AP3B1: variants seen among roughly 807,000 people sequenced by gnomAD.
AP3B1 encodes the protein adaptor related protein complex 3 subunit beta 1.
A neutral mutation model predicts 132.5 loss-of-function variants in AP3B1; 61 were observed. The observed-to-expected ratio is 0.46, with a 90% CI of 0.37 to 0.57. The LOEUF (loss-of-function observed/expected upper bound fraction) is 0.57. AP3B1 is among the 20% of genes least tolerant of loss of function. AP3B1 has a pLI of 0.00. For synonymous variants in AP3B1, 388 were observed against 438.3 expected (o/e 0.89, Z 1.43); for missense variants, 1,120 against 1,289.4 (o/e 0.87, Z 2.01).
At chr5:78,035,237 T>A (rs1443975110) in intron 23 of AP3B1, among the ~76,000 whole-genome samples, 1 of 151,968 alleles carries the variant, frequency 6.6e-6, no homozygotes, top group Non-Finnish European at 1.5e-5. Flanking sequence ...TTTAGCTATA[T>A]CTTAGAATAA....
chr5:78,103,134 T>C (rs1751196488), intron 20 of AP3B1, among the ~76,000 whole-genome samples: 1 of 152,300 alleles, frequency 6.6e-6, no homozygotes, highest in South Asian at 2.1e-4. Context: ...TCCTCTTATA[T>C]TTCATTTTTC....
At chr5:78,056,477 C>T (rs1043987225) in intron 22 of AP3B1, among the ~76,000 whole-genome samples, 1 of 152,200 alleles carries the variant, frequency 6.6e-6, no homozygotes, top group Admixed American at 6.5e-5. Flanking sequence ...TCAGATAACG[C>T]AGGGTCCTGA....
At chr5:78,050,997 C>T (rs527663833) in intron 22 of AP3B1, among the ~76,000 whole-genome samples, 9 of 152,178 alleles carry the variant, frequency 5.9e-5, no homozygotes, top group Admixed American at 1.3e-4. Flanking sequence ...TAATAAAAGT[C>T]GTTTGTGTAC....
chr5:78,177,750 A>C (rs1232034338), intron 8 of AP3B1, among the ~76,000 whole-genome samples: 1 of 152,158 alleles, frequency 6.6e-6, no homozygotes, highest in Admixed American at 6.5e-5. Flanking sequence ...GGACAAAAAG[A>C]GACACCGTGA....
chr5:78,042,208 A>T (rs1314837826), intron 22 of AP3B1: 1 of 153,320 alleles, frequency 6.5e-6, no homozygotes, highest in Non-Finnish European at 1.5e-5. Flanking sequence ...GTGGATTCCA[A>T]GCTTTAGATT....
In AP3B1 at chr5:78,039,256, C is replaced by G. The variant is rs763647354; in HGVS notation, c.2596G>C (p.Val866Leu). Reference protein sequence around the residue: ...SVISVSTPAFVPTKTHVLLHR... With the variant: ...SVISVSTPAFLPTKTHVLLHR... ...AGCAGCACGTGAGTTTTCGTTGGTA[C>G]AAATGCAGGAGTACTGACCTATTAC... Residue 866 changes from valine (V) to leucine (L), a missense_variant, in exon 23 of 27, where the codon GTA becomes CTA. Val to Leu is a conservative substitution (Grantham distance 32). Coordinates refer to ENST00000255194, the MANE Select transcript of AP3B1 (RefSeq NM_003664.5). 1 of 1,613,898 alleles carries G rather than the reference C, an allele frequency of 6.2e-7. No individual in the cohort carries two copies. The highest frequency in any genetic ancestry group is 8.5e-7 in the Non-Finnish European group (1 of 1,179,920).
intron 2 of AP3B1, among the ~76,000 whole-genome samples, chr5:78,253,295 T>C (rs1747715307): frequency 6.6e-6 from 1 of 152,096 alleles, no homozygotes; most frequent in Non-Finnish European, 1.5e-5. Context: ...CTACAATAAA[T>C]ACCTAACTCT....
At position 78,177,349 on chromosome 5, in the gene AP3B1, G is replaced by A. The variant is rs753341973; in HGVS notation, c.1030C>T (p.Arg344Cys). Residue 344 changes from arginine (R) to cysteine (C), a missense_variant, in exon 9 of 27, where the codon CGT becomes TGT. This residue lies in a region of AP3B1 where 906 missense variants were observed against 997.1 expected (regional missense o/e 0.91). Coordinates refer to ENST00000255194, the MANE Select transcript of AP3B1 (RefSeq NM_003664.5). ...AAAATCATGACCTACCTATTGCTAC[G>A]AAGTAAACGCACTAGTGATTTAGAA... ...IISKSLVRLL[R>C]SNREVQYIVL... The A allele has an allele frequency of 1.1e-5, 18 of 1,611,820 alleles. No homozygotes were observed. The highest frequency in any genetic ancestry group is 4.0e-5 in the African/African-American group (3 of 74,814).
chr5:78,268,704 T>C (rs1028083073), intron 1 of AP3B1, among the ~76,000 whole-genome samples: 1 of 152,162 alleles, frequency 6.6e-6, no homozygotes, highest in African/African-American at 2.4e-5. Context: ...AAGCACCTGC[T>C]CTCTGAAACT....
intron 6 of AP3B1, among the ~76,000 whole-genome samples, chr5:78,221,768 T>A (rs887472093): frequency 6.6e-6 from 1 of 151,842 alleles, no homozygotes; most frequent in African/African-American, 2.4e-5. Context: ...TTTAAAATTA[T>A]AATCTTAAAA....
At chr5:78,254,404 G>A (rs1747770640) in intron 2 of AP3B1, among the ~76,000 whole-genome samples, 2 of 152,126 alleles carry the variant, frequency 1.3e-5, no homozygotes, top group East Asian at 3.9e-4. Context: ...AGCCTACCTC[G>A]AGACATTTAA....
At chr5:78,174,066 T>C (rs866030013) in intron 11 of AP3B1, among the ~76,000 whole-genome samples, 1 of 152,202 alleles carries the variant, frequency 6.6e-6, no homozygotes, top group Non-Finnish European at 1.5e-5. Flanking sequence ...CACTGTTTAT[T>C]CTAGTTAGCC....
chr5:78,216,392 T>C (rs1158357283), intron 6 of AP3B1, among the ~76,000 whole-genome samples, 155 bp from the exon 7 acceptor site: 1 of 152,212 alleles, frequency 6.6e-6, no homozygotes, highest in Admixed American at 6.5e-5. Context: ...TAACAAACTT[T>C]ATGGTGACTA....
chr5:78,248,097 T>C lies in AP3B1; in HGVS notation c.205-7161A>G, dbSNP rs192403866. Among the ~76,000 whole-genome samples the C allele has an allele frequency of 1.5e-4, 23 of 152,266 alleles. No individual in the cohort carries two copies. The East Asian group carries it at 4.2e-3, about 28-fold the overall frequency. On this transcript the variant is annotated intron_variant, in intron 2 of 26. Transcript: ENST00000255194. ...AGCATATCTTTAACTTATCGGATTA[T>C]CAGATACATAGGTAGATAAACAGAC...
intron 3 of AP3B1, among the ~76,000 whole-genome samples, chr5:78,231,389 G>T (rs1182598920): frequency 6.6e-6 from 1 of 151,990 alleles, no homozygotes; most frequent in Non-Finnish European, 1.5e-5. Context: ...GGCCAGGCTG[G>T]TCTTGAACAC....
chr5:78,186,749 A>G (rs1237901900), intron 7 of AP3B1, among the ~76,000 whole-genome samples: 1 of 152,240 alleles, frequency 6.6e-6, no homozygotes, highest in Non-Finnish European at 1.5e-5. Context: ...GTTATACATA[A>G]CAATAAAGAA....
At chr5:78,200,639 G>A (rs558368100) in intron 7 of AP3B1, among the ~76,000 whole-genome samples, 16 of 152,220 alleles carry the variant, frequency 1.1e-4, no homozygotes, top group South Asian at 6.2e-4. Context: ...GGGCAACAGA[G>A]ACCCTGCCTC....
At chr5:78,191,841 T>C (rs1388802164) in intron 7 of AP3B1, among the ~76,000 whole-genome samples, 1 of 152,166 alleles carries the variant, frequency 6.6e-6, no homozygotes, top group Non-Finnish European at 1.5e-5. Flanking sequence ...ATTTGATACA[T>C]AGGTGTATTC....
At chr5:78,251,691 T>C (rs1338853391) in intron 2 of AP3B1, among the ~76,000 whole-genome samples, 1 of 152,112 alleles carries the variant, frequency 6.6e-6, no homozygotes, top group Non-Finnish European at 1.5e-5. Context: ...CTTGAGTCCC[T>C]GGAAAACCTC....
Sources: gnomAD v4.1 joint callset for allele counts (sites outside exome capture counted in the v4.1 genomes callset) on GRCh38, gnomAD v4.1.1 for gene constraint, gnomAD v4.1.1 regional missense constraint, MANE v1.5 for transcripts, NCBI Gene and HGNC (gene_info 2026-07-23, HGNC 2026-07-21) for gene names.